AGAP3: variants seen among roughly 807,000 people sequenced by gnomAD.
The protein encoded by AGAP3 is arf-GAP with GTPase, ANK repeat and PH domain-containing protein 3.
AGAP3 carries 24 observed loss-of-function variants against 96.9 expected under a neutral mutation model. The observed-to-expected ratio is 0.25, with a 90% CI of 0.18 to 0.35. The LOEUF (loss-of-function observed/expected upper bound fraction) is 0.35, where lower values mean the gene tolerates loss of function less well. Among genes scored for constraint, AGAP3 ranks in the 10% least tolerant of loss-of-function variants. The probability of loss-of-function intolerance (pLI) is 1.00; values close to 1 mark genes in which losing one functional copy is unlikely to be tolerated. For synonymous variants in AGAP3, 563 were observed against 536.1 expected, an observed-to-expected ratio of 1.05 and a Z score of -0.69; for missense variants, 876 against 1,254.2, an observed-to-expected ratio of 0.70 and a Z score of 4.55.
In AGAP3 at chr7:151,141,895, C is replaced by T; in HGVS notation, c.1805-3C>T. ...CCTGATGGCATAAACACCCCCCCAA[C>T]AGAGGCAGAGGAGTCGTTTGAATTT... is the stretch of plus-strand genomic sequence containing the variant. On this transcript the variant is annotated splice_polypyrimidine_tract_variant and splice_region_variant and intron_variant, in intron 13 of 17. Coordinates refer to ENST00000397238, the MANE Select transcript of AGAP3 (RefSeq NM_031946.7). This position sits in a 1 kb window ranked among gnomAD's most constrained non-coding sequence, Gnocchi z 4.2. 6.2e-7 allele frequency: 1 copy of T among 1,614,180 alleles called. No homozygotes were observed. The highest frequency in any genetic ancestry group is 2.2e-5 in the East Asian group (1 of 44,878).
rs1033214412 is a variant in AGAP3 at position 151,087,321 on chromosome 7, T to G, written c.331+249T>G. ...TCCAGGGCGCGAAGGTGGTGTCGCT[T>G]GGGGGGGCCGGGACCAGATCTGTCC... On this transcript the variant is annotated intron_variant, in intron 1 of 17. Transcript: ENST00000397238. The G allele has an allele frequency of 1.7e-4, 84 of 497,374 alleles. 2 individuals carry two copies. In the East Asian group the frequency reaches 2.0e-3, roughly 12 times the overall value. The allele number at this position is 497,374 out of a possible 1,614,324, so 30.8% of individuals were successfully genotyped here. A position where few individuals can be genotyped will look rare whatever the true frequency, so the allele number is the denominator to read the frequency against.
chr7:151,120,204 GC>G, intron 8 of AGAP3, 59 bp downstream of exon 8: 1 of 1,520,764 alleles, frequency 6.6e-7, no homozygotes. Context: ...AGGGCTGAGC[GC>G]CGAGCTCCCA....
intron 1 of AGAP3, among the ~76,000 whole-genome samples, chr7:151,113,282 G>T (rs758924860): frequency 3.4e-4 from 51 of 152,190 alleles, no homozygotes; most frequent in Non-Finnish European, 5.4e-4. Context: ...CTTCCATTGT[G>T]GGGGGAACAT....
intron 1 of AGAP3, among the ~76,000 whole-genome samples, chr7:151,102,409 G>A (rs1024699241): frequency 2.0e-5 from 3 of 152,156 alleles, no homozygotes; most frequent in Non-Finnish European, 4.4e-5. Context: ...GACAGCTTCT[G>A]CTGTGGGTGA....
intron 1 of AGAP3, chr7:151,115,143 GC>G: frequency 1.9e-6 from 2 of 1,045,242 alleles, no homozygotes; most frequent in Non-Finnish European, 2.3e-6. Flanking sequence ...GCCCCGGCCG[GC>G]CAGCATGACT....
Position 151,117,746 on chromosome 7 carries a change from C to T in AGAP3, c.675C>T (p.Ser225=), listed in dbSNP as rs768205257. 10 of 1,613,996 alleles carry T rather than the reference C, an allele frequency of 6.2e-6. No homozygotes were observed. The highest frequency in any genetic ancestry group is 2.2e-5 in the East Asian group (1 of 44,894). ...GTCTCTGCAGCTTCCGCAACGCCAG[C>T]GAGGTGCCCATGGTGCTTGTGGGCA... ...FLRLCSFRNA[S]EVPMVLVGTQ... The change falls in exon 5 of 18, where the codon AGC becomes AGT. Residue 225 remains serine, a synonymous_variant. Transcript: ENST00000397238.
intron 8 of AGAP3, chr7:151,122,622 G>A (rs922055063): frequency 2.2e-5 from 31 of 1,392,154 alleles, no homozygotes; most frequent in African/African-American, 5.8e-5. Context: ...TCCCGCTGCC[G>A]CCGCTCCCCA....
In AGAP3 at chr7:151,140,152, G is replaced by A; in HGVS notation, c.1804+36G>A. The A allele has an allele frequency of 6.6e-7, 1 of 1,519,294 alleles. No homozygotes were observed. Among genetic ancestry groups the A allele is most frequent in the East Asian group, 2.5e-5 (1 of 39,710 alleles). 94.1% of individuals were successfully genotyped at this position (1,519,294 alleles called of 1,614,324 possible). On this transcript the variant is annotated intron_variant, in intron 13 of 17. Transcript: ENST00000397238. The surrounding 1 kb of genome is among the most constrained non-coding windows in gnomAD (Gnocchi z 5.4). ...CCCAGAGGGAAACCGGGCACAGGAG[G>A]TGGGCAGTGGGACTTGGGGATAGTA...
rs58678260 is a variant in AGAP3 at position 151,119,555 on chromosome 7, C to T, written c.970-432C>T. On this transcript the variant is annotated intron_variant, in intron 7 of 17. Coordinates refer to ENST00000397238, the MANE Select transcript of AGAP3 (RefSeq NM_031946.7). Reference sequence around the variant, plus strand: ...AGTGCCCTGGGCCACCTCCGGCTCCCGCCTCCTGGCCTCCTGCACTCTAAA... The same window carrying T: ...AGTGCCCTGGGCCACCTCCGGCTCCTGCCTCCTGGCCTCCTGCACTCTAAA... Among the ~76,000 whole-genome samples, 1,667 of 152,340 alleles carry T rather than the reference C, an allele frequency of 0.011. 145 individuals carry two copies. In the East Asian group the frequency reaches 0.22, roughly 20 times the overall value.
Position 151,096,095 on chromosome 7 carries a change from G to C in AGAP3, c.331+9023G>C. ...TGGTGTGGGCGTGAGAAGCAAATCA[G>C]TTAACGTCTGCAGAGCTTTTAGAGC... On this transcript the variant is annotated intron_variant, in intron 1 of 17. Coordinates refer to ENST00000397238, the MANE Select transcript of AGAP3 (RefSeq NM_031946.7). This position sits in a 1 kb window ranked among gnomAD's most constrained non-coding sequence, Gnocchi z 4.4. Among the ~76,000 whole-genome samples, 1 of 152,254 alleles carries C rather than the reference G, an allele frequency of 6.6e-6. No individual in the cohort carries two copies.
chr7:151,140,622 CA>C lies in AGAP3; in HGVS notation c.1804+510del, dbSNP rs1232361802. ...CCTCAGATTTTCCTCAAAGTATCTTCAAAACCTCCCTCTTCTTGGTGATTGG... is the reference window on the plus strand; with the variant it reads ...CCTCAGATTTTCCTCAAAGTATCTTCAAACCTCCCTCTTCTTGGTGATTGG... On this transcript the variant is annotated intron_variant, in intron 13 of 17. Transcript: ENST00000397238. This position sits in a 1 kb window ranked among gnomAD's most constrained non-coding sequence, Gnocchi z 5.4. 6.6e-6 allele frequency: 1 copy of C among 152,224 alleles called. No homozygotes were observed. The allele number at this position is 152,224 out of a possible 1,614,324, so 9.4% of individuals were successfully genotyped here.
chr7:151,126,625 C>T (rs12532835), intron 9 of AGAP3, among the ~76,000 whole-genome samples: 3,713 of 152,180 alleles, frequency 0.024, 114 homozygotes, highest in East Asian at 0.13. Flanking sequence ...TTAGAGCCTT[C>T]GAGCACGCTA....
At position 151,118,524 on chromosome 7, in the gene AGAP3, C is replaced by G. The variant is rs1799706528; in HGVS notation, c.861C>G (p.Ala287=). Reference sequence around the variant, plus strand: ...CTGCAGTGGCCCAGAAGGTAGTGGCCTTGCGAAAGAAGCAGCAACTGGCCA... The same window carrying G: ...CTGCAGTGGCCCAGAAGGTAGTGGCGTTGCGAAAGAAGCAGCAACTGGCCA... ...VFQDVAQKVV[A]LRKKQQLAIG... is the part of the protein sequence containing the mutation. The change falls in exon 7 of 18, where the codon GCC becomes GCG. Residue 287 remains alanine (A), a synonymous_variant. Transcript: ENST00000397238. The surrounding 1 kb of genome is among the most constrained non-coding windows in gnomAD (Gnocchi z 6.1). 1 of 1,614,054 alleles carries G rather than the reference C, an allele frequency of 6.2e-7. No homozygotes were observed. The highest frequency in any genetic ancestry group is 1.1e-5 in the South Asian group (1 of 91,088).
At chr7:151,101,296 C>T (rs1004931938) in intron 1 of AGAP3, among the ~76,000 whole-genome samples, 2 of 152,146 alleles carry the variant, frequency 1.3e-5, no homozygotes, top group African/African-American at 2.4e-5. Context: ...TGCAGGGACC[C>T]GTGCATTGCT....
At chr7:151,113,649 C>G (rs1477399248) in intron 1 of AGAP3, among the ~76,000 whole-genome samples, 1 of 152,232 alleles carries the variant, frequency 6.6e-6, no homozygotes, top group African/African-American at 2.4e-5. Context: ...ACTACTTAAA[C>G]TGGTTTCTCC....
Position 151,117,412 on chromosome 7 carries a change from T to G in AGAP3, c.520T>G (p.Tyr174Asp). 6.2e-7 allele frequency: 1 copy of G among 1,614,202 alleles called. No homozygotes were observed. ...GGAGATTGTGGTGGATGGCCAGAGT[T>G]ACCTGCTGCTGATCCGAGATGAAGG... ...KKEIVVDGQS[Y>D]LLLIRDEGGP... Residue 174 changes from tyrosine (Y) to aspartate (D), a missense_variant, in exon 4 of 18, where the codon TAC (tyrosine) becomes GAC (aspartate). Physicochemically the swap from Tyr to Asp is radical, Grantham distance 160. This residue lies in a region of AGAP3 where 131 missense variants were observed against 304.5 expected (regional missense o/e 0.43). Transcript: ENST00000397238.
chr7:151,142,019 C>T lies in AGAP3; in HGVS notation c.1926C>T (p.Ala642=). Residue 642 remains alanine (A), a synonymous_variant, in exon 14 of 18, where the codon GCC becomes GCT. Coordinates refer to ENST00000397238, the MANE Select transcript of AGAP3 (RefSeq NM_031946.7). This position sits in a 1 kb window ranked among gnomAD's most constrained non-coding sequence, Gnocchi z 7.5. Reference sequence around the variant, plus strand: ...AGAGTGTGCAGGCCCAGATCCTTGCCAGCCTGCAAGGCTGCCGCAGTGCCA... The same window carrying T: ...AGAGTGTGCAGGCCCAGATCCTTGCTAGCCTGCAAGGCTGCCGCAGTGCCA... ...WVQSVQAQIL[A]SLQGCRSAKD... is the part of the protein sequence containing the mutation. The T allele has an allele frequency of 6.2e-7, 1 of 1,614,106 alleles. No homozygotes were observed.
rs945530463 is a variant in AGAP3, at chr7:151,143,443, C to T, written c.2376C>T (p.Ala792=). The change falls in exon 17 of 18, where the codon GCC becomes GCT. Residue 792 remains alanine, a synonymous_variant. Coordinates refer to ENST00000397238, the MANE Select transcript of AGAP3 (RefSeq NM_031946.7). This position sits in a 1 kb window ranked among gnomAD's most constrained non-coding sequence, Gnocchi z 5.9. The part of the protein sequence containing the change: ...DVPLGQQLLR[A]VVEDDLRLLV... The stretch of plus-strand genomic sequence containing the variant: ...CACTGGGGCAGCAGCTGCTCCGGGC[C>T]GTGGTGGAAGATGACCTGCGGCTGT... 1.5e-5 allele frequency: 24 copies of T among 1,614,102 alleles called. No individual in the cohort carries two copies. The highest frequency in any genetic ancestry group is 9.3e-5 in the African/African-American group (7 of 74,924).
In AGAP3 at chr7:151,137,901, C is replaced by T. The variant is rs1800664451; in HGVS notation, c.1496-242C>T. 7 of 535,732 alleles carry T rather than the reference C, an allele frequency of 1.3e-5. No individual in the cohort carries two copies. In the South Asian group the frequency reaches 1.6e-4, roughly 12 times the overall value. The allele number at this position is 535,732 out of a possible 1,614,324, so 33.2% of individuals were successfully genotyped here. Reference sequence around the variant, plus strand: ...TGATGCAGAGACCCCCCGCCCCGCTCCCGGACCACAGTGAGGGGACAGAGC... The same window carrying T: ...TGATGCAGAGACCCCCCGCCCCGCTTCCGGACCACAGTGAGGGGACAGAGC... On this transcript the variant is annotated intron_variant, in intron 11 of 17. Coordinates refer to ENST00000397238, the MANE Select transcript of AGAP3 (RefSeq NM_031946.7).
Sources: gnomAD v4.1 joint callset for allele counts (sites outside exome capture counted in the v4.1 genomes callset) on GRCh38, gnomAD v4.1.1 for gene constraint, gnomAD v4.1.1 regional missense constraint, Gnocchi (gnomAD v3.1) non-coding constraint, MANE v1.5 for transcripts, NCBI Gene and HGNC (gene_info 2026-07-23, HGNC 2026-07-21) for gene names.